BAZ1A: variants seen among roughly 807,000 people sequenced by gnomAD.
The protein encoded by BAZ1A is bromodomain adjacent to zinc finger domain protein 1A.
In BAZ1A, 50 loss-of-function variants were observed where a neutral mutation model predicts 185.2. The ratio of observed to expected loss-of-function variants is 0.27; its 90% CI spans 0.22 to 0.34. BAZ1A has a LOEUF of 0.34. Among genes scored for constraint, BAZ1A ranks in the 10% least tolerant of loss-of-function variants. The pLI, the probability that BAZ1A is intolerant of heterozygous loss-of-function variation, is 1.00. For synonymous variants in BAZ1A, 571 were observed against 615.6 expected (o/e 0.93, Z 1.07); for missense variants, 1,356 against 1,839.9 (o/e 0.74, Z 4.81).
intron 25 of BAZ1A, 88 bp downstream of exon 25, chr14:34,758,616 G>A (rs1886374708): frequency 4.6e-6 from 6 of 1,307,662 alleles, no homozygotes; most frequent in Non-Finnish European, 5.3e-6. Context: ...TAGACAGTGA[G>A]TAACAGGTGT....
At chr14:34,758,449 G>C (rs1467237888) in intron 25 of BAZ1A, 2 of 339,350 alleles carry the variant, frequency 5.9e-6, no homozygotes, top group Non-Finnish European at 1.1e-5. Flanking sequence ...GTGTGGTGGT[G>C]TGTGCCTGTA....
chr14:34,761,301 A>G (rs191069940), intron 24 of BAZ1A, among the ~76,000 whole-genome samples: 19 of 152,218 alleles, frequency 1.2e-4, no homozygotes, highest in African/African-American at 4.6e-4. Context: ...ATAAAAAGAC[A>G]GCTGGTCATC....
intron 4 of BAZ1A, among the ~76,000 whole-genome samples, chr14:34,824,408 CAAAAAAAAAAA>C: frequency 1.5e-5 from 1 of 65,772 alleles, no homozygotes; most frequent in Non-Finnish European, 2.5e-5. Flanking sequence ...AGCAGCAACT[CAAAAAAAAAAA>C]AAAAAAAAGA....
intron 25 of BAZ1A, among the ~76,000 whole-genome samples, chr14:34,757,958 A>G (rs537443306): frequency 6.5e-4 from 99 of 151,304 alleles, no homozygotes; most frequent in South Asian, 1.5e-3. Flanking sequence ...TGTGTTAGCC[A>G]GGATGGTCTT....
chr14:34,758,779 A>G lies in BAZ1A; in HGVS notation c.4311T>C (p.Ala1437=), dbSNP rs763232005. The stretch of plus-strand genomic sequence containing the variant: ...CCAATTCTACAACAAGTTGTTCAAA[A>G]GCAGACAATTCATGAACTCCTCCCT... ...GRQGGVHELS[A]FEQLVVELVR... is the part of the protein sequence containing the mutation. The change falls in exon 25 of 27, where the codon GCT becomes GCC. Residue 1437 remains alanine (A), a synonymous_variant. Coordinates refer to ENST00000360310, the MANE Select transcript of BAZ1A (RefSeq NM_013448.3). The G allele has an allele frequency of 1.2e-6, 2 of 1,614,196 alleles. No homozygotes were observed. The highest frequency in any genetic ancestry group is 1.1e-5 in the South Asian group (1 of 91,084).
chr14:34,774,497 T>C lies in BAZ1A; in HGVS notation c.2834-7A>G, dbSNP rs769252466. On this transcript the variant is annotated splice_region_variant and splice_polypyrimidine_tract_variant and intron_variant, in intron 18 of 26. Coordinates refer to ENST00000360310, the MANE Select transcript of BAZ1A (RefSeq NM_013448.3). Reference sequence around the variant, plus strand: ...CTATCAGGCTGAGGTTTGTCTGAAATAGTAATCAAATACTTTTATTATGAT... The same window carrying C: ...CTATCAGGCTGAGGTTTGTCTGAAACAGTAATCAAATACTTTTATTATGAT... The C allele has an allele frequency of 2.6e-6, 4 of 1,549,384 alleles. No homozygotes were observed. In the East Asian group the frequency reaches 7.0e-5, roughly 27 times the overall value.
intron 13 of BAZ1A, 47 bp from the exon 14 acceptor site, chr14:34,786,048 A>G (rs1377256403): frequency 6.3e-7 from 1 of 1,588,850 alleles, no homozygotes; most frequent in Non-Finnish European, 8.6e-7. Context: ...TAAACAATAA[A>G]TACTCAGCAA....
chr14:34,870,258 A>G (rs747559597), intron 2 of BAZ1A, among the ~76,000 whole-genome samples: 28 of 152,248 alleles, frequency 1.8e-4, no homozygotes, highest in Non-Finnish European at 2.2e-4. Flanking sequence ...TAAAGCATTT[A>G]GGAATCTCTG....
At chr14:34,863,849 A>ACTT (rs10656446) in intron 2 of BAZ1A, among the ~76,000 whole-genome samples, 1 of 151,354 alleles carries the variant, frequency 6.6e-6, no homozygotes, top group Non-Finnish European at 1.5e-5. Context: ...TATTGTTTGA[A>ACTT]TTTTTTTTCT....
rs1879588070 is a variant in BAZ1A, at chr14:34,776,141, T to C, written c.2611A>G (p.Ile871Val). The part of the protein sequence containing the change: ...EPLMSESTSN[I>V]DQGPRDHSVQ... ...GAATGGTCACGTGGACCTTGGTCAA[T>C]GTTGGAGGTAGATTCAGACATCAAA... The change falls in exon 18 of 27, where the codon ATT (isoleucine) becomes GTT (valine). Residue 871 changes from isoleucine to valine, a missense_variant. Physicochemically the swap from Ile to Val is conservative, Grantham distance 29. Transcript: ENST00000360310. The C allele has an allele frequency of 1.2e-6, 2 of 1,614,192 alleles. No homozygotes were observed. Among genetic ancestry groups the C allele is most frequent in the Non-Finnish European group, 1.7e-6 (2 of 1,180,032 alleles).
Position 34,848,139 on chromosome 14 carries a change from G to A in BAZ1A, c.392+13905C>T, listed in dbSNP as rs993339261. ...GGCCTCCCAAAGTGCTAGGATTACA[G>A]GCATGAGTCATTGCACCCAGCTAAT... On this transcript the variant is annotated intron_variant, in intron 3 of 26. Coordinates refer to ENST00000360310, the MANE Select transcript of BAZ1A (RefSeq NM_013448.3). Among the ~76,000 whole-genome samples the A allele has an allele frequency of 2.0e-5, 3 of 152,122 alleles. No individual in the cohort carries two copies. The South Asian group carries it at 6.2e-4, about 31-fold the overall frequency.
intron 4 of BAZ1A, among the ~76,000 whole-genome samples, chr14:34,812,241 C>CA (rs961889697): frequency 6.3e-5 from 9 of 142,932 alleles, no homozygotes; most frequent in African/African-American, 1.3e-4. Flanking sequence ...GGGAGGGGAA[C>CA]AAAAAAAAGG....
intron 6 of BAZ1A, among the ~76,000 whole-genome samples, chr14:34,807,208 C>A (rs2138669207): frequency 6.6e-6 from 1 of 151,366 alleles, no homozygotes; most frequent in East Asian, 1.9e-4. Context: ...TCCAAATTTT[C>A]TATTTTCACC....
intron 3 of BAZ1A, chr14:34,845,410 C>T (rs1259591729): frequency 6.6e-6 from 1 of 151,790 alleles, no homozygotes; most frequent in South Asian, 2.1e-4. Context: ...AAAGACAATC[C>T]CAATTTTTAA....
intron 4 of BAZ1A, among the ~76,000 whole-genome samples, chr14:34,816,534 G>A (rs552658089): frequency 1.3e-5 from 2 of 152,322 alleles, no homozygotes; most frequent in African/African-American, 2.4e-5. Context: ...CTTTTGTTAT[G>A]TGTTTAGAGA....
chr14:34,811,483 CAG>C (rs944611462), intron 4 of BAZ1A, among the ~76,000 whole-genome samples: 2 of 151,708 alleles, frequency 1.3e-5, no homozygotes, highest in African/African-American at 4.8e-5. Flanking sequence ...TTTTAAGAGA[CAG>C]AGTCTCGCCT....
chr14:34,800,419 T>A (rs750432778), intron 8 of BAZ1A, 29 bp from the exon 9 acceptor site: 1 of 1,477,204 alleles, frequency 6.8e-7, no homozygotes, highest in African/African-American at 1.5e-5. Context: ...CTTAGAACTA[T>A]ATATATAGAC....
chr14:34,802,822 G>A (rs1389570344), intron 7 of BAZ1A, 32 bp downstream of exon 7: 1 of 1,591,722 alleles, frequency 6.3e-7, no homozygotes, highest in South Asian at 1.1e-5. Context: ...TACTAACAGT[G>A]AAAATGTAGT....
chr14:34,756,079 G>A (rs1046966343), intron 25 of BAZ1A, among the ~76,000 whole-genome samples: 10 of 145,470 alleles, frequency 6.9e-5, no homozygotes, highest in South Asian at 4.3e-4. Context: ...GGGCTCAAGC[G>A]ATCCACCTGC....
Sources: gnomAD v4.1 joint callset for allele counts (sites outside exome capture counted in the v4.1 genomes callset) on GRCh38, gnomAD v4.1.1 for gene constraint, MANE v1.5 for transcripts, NCBI Gene and HGNC (gene_info 2026-07-23, HGNC 2026-07-21) for gene names.